Variants in CAMTA1 observed in about 807,000 individuals in gnomAD.
The protein encoded by CAMTA1 is calmodulin-binding transcription activator 1.
Under a neutral mutation model 170.9 loss-of-function variants are expected in CAMTA1, and 27 were observed. The ratio of observed to expected loss-of-function variants is 0.16; its 90% CI spans 0.12 to 0.22. The LOEUF (loss-of-function observed/expected upper bound fraction) is 0.22, where lower values mean the gene tolerates loss of function less well. Among genes scored for constraint, CAMTA1 ranks in the 10% least tolerant of loss-of-function variants. The pLI is 1.00. For missense variants in CAMTA1, 1,619 were observed against 2,217.2 expected, an observed-to-expected ratio of 0.73 and a Z score of 5.42; for synonymous variants, 833 against 891.5, an observed-to-expected ratio of 0.93 and a Z score of 1.17.
chr1:7,749,375 T>C (rs1384366658), intron 19 of CAMTA1, among the ~76,000 whole-genome samples: 1 of 152,152 alleles, frequency 6.6e-6, no homozygotes, highest in African/African-American at 2.4e-5. Context: ...GGAAGGTTTA[T>C]TGTGCAAACG....
At chr1:7,467,559 G>A (rs1204493709) in intron 5 of CAMTA1, among the ~76,000 whole-genome samples, 1 of 152,228 alleles carries the variant, frequency 6.6e-6, no homozygotes, top group East Asian at 1.9e-4. Flanking sequence ...GTCCTTGGCT[G>A]TCCTGGGTTC....
chr1:7,696,783 C>T (rs976972540), intron 11 of CAMTA1, among the ~76,000 whole-genome samples: 2 of 152,238 alleles, frequency 1.3e-5, no homozygotes, highest in South Asian at 4.1e-4. Context: ...TTGGACCCTG[C>T]ACAGGGAGCC....
intron 4 of CAMTA1, among the ~76,000 whole-genome samples, chr1:7,244,249 T>C (rs1372919110): frequency 1.3e-5 from 2 of 152,178 alleles, no homozygotes; most frequent in African/African-American, 4.8e-5. Context: ...CAACAGGTGC[T>C]GGAGAGGATG....
Position 7,738,605 on chromosome 1 carries a change from T to C in CAMTA1, c.4182+123T>C, listed in dbSNP as rs1213170377. 1.4e-5 allele frequency: 15 copies of C among 1,055,254 alleles called. No individual in the cohort carries two copies. Among genetic ancestry groups the C allele is most frequent in the Non-Finnish European group, 2.0e-5 (15 of 747,128 alleles). 65.4% of individuals were successfully genotyped at this position (1,055,254 alleles called of 1,614,324 possible). A position where few individuals can be genotyped will look rare whatever the true frequency, so the allele number is the denominator to read the frequency against. On this transcript the variant is annotated intron_variant, in intron 16 of 22. Coordinates refer to ENST00000303635, the MANE Select transcript of CAMTA1 (RefSeq NM_015215.4). This position sits in a 1 kb window ranked among gnomAD's most constrained non-coding sequence, Gnocchi z 4.9. ...CGTGAAGCCTTCGAAGTTGGCTTTGTGCAGAACATCGTTGGAGTATCTTCT... is the reference window on the plus strand; with the variant it reads ...CGTGAAGCCTTCGAAGTTGGCTTTGCGCAGAACATCGTTGGAGTATCTTCT...
intron 5 of CAMTA1, among the ~76,000 whole-genome samples, chr1:7,404,581 T>C (rs17030794): frequency 0.15 from 23,008 of 152,250 alleles, 4,963 homozygotes; most frequent in African/African-American, 0.48. Flanking sequence ...CTGGAGAATT[T>C]GCTGGCCCAG....
intron 3 of CAMTA1, among the ~76,000 whole-genome samples, chr1:6,897,877 T>G (rs927884373): frequency 6.6e-6 from 1 of 152,190 alleles, no homozygotes; most frequent in African/African-American, 2.4e-5. Context: ...GCCAAAATGA[T>G]TTTCTGCCCA....
intron 7 of CAMTA1, among the ~76,000 whole-genome samples, chr1:7,659,277 G>A (rs1423850454): frequency 1.3e-5 from 2 of 152,094 alleles, no homozygotes; most frequent in Non-Finnish European, 2.9e-5. Context: ...GCTCACGCCT[G>A]TAATCCCAGC....
chr1:6,881,109 T>G (rs1330265327), intron 3 of CAMTA1, among the ~76,000 whole-genome samples: 4 of 152,178 alleles, frequency 2.6e-5, no homozygotes, highest in African/African-American at 9.7e-5. Flanking sequence ...ACATAGCTAG[T>G]AAGTGGTGCT....
chr1:7,155,226 G>A (rs1269925322), intron 4 of CAMTA1, among the ~76,000 whole-genome samples: 4 of 152,184 alleles, frequency 2.6e-5, no homozygotes, highest in East Asian at 3.9e-4. Context: ...AGGTGGCCTC[G>A]GGGGGAAGGG....
intron 11 of CAMTA1, among the ~76,000 whole-genome samples, chr1:7,707,938 G>A (rs1319076865): frequency 6.6e-6 from 1 of 152,192 alleles, no homozygotes; most frequent in Non-Finnish European, 1.5e-5. Flanking sequence ...AGGCAGACAA[G>A]GAGATGCCGT....
At chr1:7,075,816 C>A (rs1180685559) in intron 3 of CAMTA1, among the ~76,000 whole-genome samples, 1 of 152,126 alleles carries the variant, frequency 6.6e-6, no homozygotes, top group Non-Finnish European at 1.5e-5. Flanking sequence ...GTGTGTGCCA[C>A]CACGCCCGGC....
At chr1:7,568,834 CCAT>C (rs1467056058) in intron 6 of CAMTA1, among the ~76,000 whole-genome samples, 9 of 149,144 alleles carry the variant, frequency 6.0e-5, no homozygotes, top group East Asian at 4.1e-4. Flanking sequence ...CACCAAATCA[CCAT>C]CATCATCATC....
At chr1:6,906,181 A>G (rs6143104) in intron 3 of CAMTA1, among the ~76,000 whole-genome samples, 2 of 151,844 alleles carry the variant, frequency 1.3e-5, no homozygotes, top group African/African-American at 4.8e-5. Context: ...GTCATGTCAA[A>G]TGGTACTCCC....
In CAMTA1 at chr1:7,434,831, AG is replaced by A. The variant is rs543942001; in HGVS notation, c.439-32997del. 1.3e-3 allele frequency among the ~76,000 whole-genome samples: 201 copies of A among 150,932 alleles called. 1 individual carries two copies. The highest frequency in any genetic ancestry group is 4.7e-3 in the African/African-American group (194 of 40,958). On this transcript the variant is annotated intron_variant, in intron 5 of 22. Transcript: ENST00000303635. ...CGAGGCAGGCTGATCGCTTAAGCTC[AG>A]GAGTTTGAGACCAACCTGGGCAACA...
intron 6 of CAMTA1, among the ~76,000 whole-genome samples, chr1:7,525,342 C>T (rs2094418910): frequency 6.6e-6 from 1 of 151,998 alleles, no homozygotes; most frequent in South Asian, 2.1e-4. Flanking sequence ...GACAAGCCCC[C>T]TCACCCATCC....
chr1:7,488,677 A>G (rs1182502703), intron 6 of CAMTA1, among the ~76,000 whole-genome samples: 1 of 152,166 alleles, frequency 6.6e-6, no homozygotes, highest in East Asian at 1.9e-4. Context: ...ACACTTGCAT[A>G]CACACACATA....
At chr1:7,207,658 G>A (rs1386809781) in intron 4 of CAMTA1, among the ~76,000 whole-genome samples, 1 of 152,148 alleles carries the variant, frequency 6.6e-6, no homozygotes, top group Non-Finnish European at 1.5e-5. Flanking sequence ...TGGTCCAGTT[G>A]TGGCCTTGAC....
intron 5 of CAMTA1, among the ~76,000 whole-genome samples, chr1:7,345,580 G>A (rs570703769): frequency 7.6e-4 from 115 of 152,266 alleles, no homozygotes; most frequent in African/African-American, 2.4e-3. Context: ...TGTAAACCCC[G>A]GGGCTCACTT....
Position 7,466,597 on chromosome 1 carries a change from A to T in CAMTA1, c.439-1233A>T, listed in dbSNP as rs191515596. 1.1e-4 allele frequency among the ~76,000 whole-genome samples: 16 copies of T among 152,282 alleles called. No homozygotes were observed. The South Asian group carries it at 1.7e-3, about 16-fold the overall frequency. Reference sequence around the variant, plus strand: ...CTCTCTGGAGAGCTGGTTCAAGGGTATGGGGACAACAGTGAGATTAAAATG... The same window carrying T: ...CTCTCTGGAGAGCTGGTTCAAGGGTTTGGGGACAACAGTGAGATTAAAATG... On this transcript the variant is annotated intron_variant, in intron 5 of 22. Coordinates refer to ENST00000303635, the MANE Select transcript of CAMTA1 (RefSeq NM_015215.4).
Sources: gnomAD v4.1 joint callset for allele counts (sites outside exome capture counted in the v4.1 genomes callset) on GRCh38, gnomAD v4.1.1 for gene constraint, Gnocchi (gnomAD v3.1) non-coding constraint, MANE v1.5 for transcripts, NCBI Gene and HGNC (gene_info 2026-07-23, HGNC 2026-07-21) for gene names.